TNNT1: variants seen among roughly 807,000 people sequenced by gnomAD.
TNNT1 encodes troponin T1, slow skeletal type.
A neutral mutation model predicts 50.6 loss-of-function variants in TNNT1; 53 were observed. The observed-to-expected ratio is 1.05, with a 90% CI of 0.84 to 1.32. The LOEUF (loss-of-function observed/expected upper bound fraction) is 1.32. Ranked by LOEUF, TNNT1 falls within the 40% of genes most tolerant of loss-of-function variation. The pLI, the probability that TNNT1 is intolerant of heterozygous loss-of-function variation, is 0.00. For missense variants in TNNT1, 348 were observed against 381.7 expected (o/e 0.91, Z 0.74); for synonymous variants, 142 against 138.0 (o/e 1.03, Z -0.20).
chr19:55,140,203 T>C (rs1458324904), intron 9 of TNNT1, among the ~76,000 whole-genome samples: 1 of 151,946 alleles, frequency 6.6e-6, no homozygotes, highest in Non-Finnish European at 1.5e-5. Context: ...CTCATGCCTG[T>C]CATCCCAGCA....
intron 11 of TNNT1, 47 bp downstream of exon 11, chr19:55,137,054 CCT>C (rs751127767): frequency 4.3e-5 from 53 of 1,225,168 alleles, no homozygotes; most frequent in East Asian, 2.6e-4. Context: ...CCTTTATCCC[CCT>C]GTCTCACACC....
chr19:55,134,323 A>G (rs906322973), intron 11 of TNNT1, 119 bp from the exon 12 acceptor site: 9 of 1,053,632 alleles, frequency 8.5e-6, no homozygotes, highest in South Asian at 1.5e-5. Context: ...TTTGAGGCCG[A>G]GAGTTTTAAA....
At chr19:55,134,311 T>C in intron 11 of TNNT1, 107 bp from the exon 12 acceptor site, 1 of 1,154,200 alleles carries the variant, frequency 8.7e-7, no homozygotes, top group Non-Finnish European at 1.2e-6. Context: ...ATTTTGTTCA[T>C]ATTTGAGGCC....
chr19:55,146,823 G>T, intron 3 of TNNT1, 116 bp from the exon 4 acceptor site: 1 of 1,161,596 alleles, frequency 8.6e-7, no homozygotes, highest in Non-Finnish European at 1.2e-6. Flanking sequence ...CCTCGGCTGC[G>T]ATGGGCACGT....
At chr19:55,138,855 G>A (rs572068122) in intron 9 of TNNT1, among the ~76,000 whole-genome samples, 1 of 152,144 alleles carries the variant, frequency 6.6e-6, no homozygotes, top group South Asian at 2.1e-4. Flanking sequence ...AAGGGGTTCT[G>A]GAATATTGAG....
chr19:55,135,845 A>G (rs2085338364), intron 11 of TNNT1, among the ~76,000 whole-genome samples: 1 of 152,032 alleles, frequency 6.6e-6, no homozygotes, highest in South Asian at 2.1e-4. Context: ...TACATGAACC[A>G]TGTGCACAGG....
chr19:55,141,116 G>T, intron 8 of TNNT1, 70 bp downstream of exon 8: 1 of 1,499,610 alleles, frequency 6.7e-7, no homozygotes, highest in Non-Finnish European at 9.3e-7. Flanking sequence ...ACTATTATCT[G>T]CATCTCCCAA....
rs777384884 is a variant in TNNT1, at chr19:55,148,345, T to C, written c.-12+816A>G. Among the ~76,000 whole-genome samples the C allele has an allele frequency of 5.3e-5, 8 of 151,784 alleles. 1 individual carries two copies. Among genetic ancestry groups the C allele is most frequent in the Non-Finnish European group, 1.2e-4 (8 of 67,904 alleles). On this transcript the variant is annotated intron_variant, in intron 1 of 13. Coordinates refer to ENST00000588981, the MANE Select transcript of TNNT1 (RefSeq NM_003283.6). ...CCCTTTCACCTTCCCATACATCACG[T>C]AGGGGGCAGGGGCATAAAGGGCACC...
Position 55,149,198 on chromosome 19 carries a change from A to G in TNNT1, c.-49T>C, listed in dbSNP as rs1459810135. Reference sequence around the variant, plus strand: ...TGAGATGCTGTGAATCTTGAGGCTGAGCCTTGCTGAGGGCACTGAAGCTCC... The same window carrying G: ...TGAGATGCTGTGAATCTTGAGGCTGGGCCTTGCTGAGGGCACTGAAGCTCC... On this transcript the variant is annotated 5_prime_UTR_variant, in exon 1 of 14. Transcript: ENST00000588981. 1 of 456,082 alleles carries G rather than the reference A, an allele frequency of 2.2e-6. No individual in the cohort carries two copies. The highest frequency in any genetic ancestry group is 4.4e-6 in the Non-Finnish European group (1 of 226,932). 28.3% of individuals were successfully genotyped at this position (456,082 alleles called of 1,614,324 possible). A position where few individuals can be genotyped will look rare whatever the true frequency, so the allele number is the denominator to read the frequency against.
At chr19:55,139,076 T>C (rs1385847257) in intron 9 of TNNT1, among the ~76,000 whole-genome samples, 1 of 152,062 alleles carries the variant, frequency 6.6e-6, no homozygotes, top group East Asian at 1.9e-4. Flanking sequence ...CTCTGTTCAC[T>C]GCAACCCCCA....
intron 6 of TNNT1, among the ~76,000 whole-genome samples, chr19:55,143,198 CTA>C (rs1409600919): frequency 6.6e-6 from 1 of 151,120 alleles, no homozygotes; most frequent in Non-Finnish European, 1.5e-5. Context: ...TGGCGTTTCA[CTA>C]TGTTGTCCAG....
intron 9 of TNNT1, among the ~76,000 whole-genome samples, chr19:55,139,710 T>C (rs139530522): frequency 2.6e-5 from 4 of 152,164 alleles, no homozygotes; most frequent in Admixed American, 1.3e-4. Context: ...CAGGTGGCTG[T>C]AATCCCAGCT....
chr19:55,140,452 A>G (rs1418348079), intron 9 of TNNT1, among the ~76,000 whole-genome samples: 2 of 152,120 alleles, frequency 1.3e-5, no homozygotes, highest in Non-Finnish European at 2.9e-5. Context: ...CCTGGGTGAC[A>G]GAGCAAGACC....
chr19:55,148,704 T>A (rs2085625414), intron 1 of TNNT1, among the ~76,000 whole-genome samples: 1 of 152,010 alleles, frequency 6.6e-6, no homozygotes, highest in Non-Finnish European at 1.5e-5. Context: ...AATGGCACTC[T>A]AAGTTTTCAT....
chr19:55,138,816 T>G (rs1225045356), intron 9 of TNNT1, among the ~76,000 whole-genome samples: 1 of 152,044 alleles, frequency 6.6e-6, no homozygotes, highest in African/African-American at 2.4e-5. Context: ...CTGGGGAGAT[T>G]AAAGAGGCTG....
chr19:55,141,671 A>T (rs1446391738), intron 7 of TNNT1, among the ~76,000 whole-genome samples, 186 bp downstream of exon 7: 1 of 151,944 alleles, frequency 6.6e-6, no homozygotes, highest in Non-Finnish European at 1.5e-5. Flanking sequence ...TTTAGTAGAG[A>T]CGGGGTTTCA....
chr19:55,146,915 C>T (rs2085567350), intron 3 of TNNT1, 93 bp downstream of exon 3: 2 of 1,461,496 alleles, frequency 1.4e-6, no homozygotes, highest in East Asian at 2.4e-5. Flanking sequence ...CTGAGCCGCC[C>T]CTTCCCCGCC....
rs2085459768 is a variant in TNNT1 at position 55,141,746 on chromosome 19, C to T, written c.192+111G>A. On this transcript the variant is annotated intron_variant, in intron 7 of 13. Transcript: ENST00000588981. ...TGGGTCACCTCAGCCTCCCAAAGTG[C>T]TGGGATTACAGGCATGAGGCCCCGC... is the stretch of plus-strand genomic sequence containing the variant. The T allele has an allele frequency of 2.3e-6, 3 of 1,280,278 alleles. No homozygotes were observed. In the East Asian group the frequency reaches 7.0e-5, roughly 30 times the overall value. The allele number at this position is 1,280,278 out of a possible 1,614,324, so 79.3% of individuals were successfully genotyped here. A position where few individuals can be genotyped will look rare whatever the true frequency, so the allele number is the denominator to read the frequency against.
Position 55,141,783 on chromosome 19 carries a change from G to A in TNNT1, c.192+74C>T, listed in dbSNP as rs7359930. The A allele has an allele frequency of 0.012, 18,575 of 1,567,628 alleles. 674 individuals carry two copies. The highest frequency in any genetic ancestry group is 0.083 in the South Asian group (7,421 of 89,924). ...GCATGAGGCCCCGCGCCCGGCCGGC[G>A]CCTTTTCATGATTGACACAAAGGCC... On this transcript the variant is annotated intron_variant, in intron 7 of 13. Transcript: ENST00000588981.
Sources: gnomAD v4.1 joint callset for allele counts (sites outside exome capture counted in the v4.1 genomes callset) on GRCh38, gnomAD v4.1.1 for gene constraint, MANE v1.5 for transcripts, NCBI Gene and HGNC (gene_info 2026-07-23, HGNC 2026-07-21) for gene names.